The following TLR10 variants were observed in gnomAD, a reference collection of about 807,000 sequenced individuals.
TLR10 encodes the protein toll-like receptor 10.
For synonymous variants in TLR10, 288 were observed against 338.8 expected, an observed-to-expected ratio of 0.85 and a Z score of 1.65; for missense variants, 929 against 932.9, an observed-to-expected ratio of 1.00 and a Z score of 0.05.
At chr4:38,778,810 T>G (rs11466619) in intron 1 of TLR10, among the ~76,000 whole-genome samples, 14,484 of 152,070 alleles carry the variant, frequency 0.095, 1,190 homozygotes, top group African/African-American at 0.2. Flanking sequence ...AGAGGATGGG[T>G]TAGAGAGAAT....
intron 1 of TLR10, among the ~76,000 whole-genome samples, chr4:38,780,301 G>C (rs1725318220): frequency 6.6e-6 from 1 of 152,036 alleles, no homozygotes; most frequent in African/African-American, 2.4e-5. Flanking sequence ...CTACTCGGGA[G>C]GCTGAGGCAG....
chr4:38,775,844 T>C lies in TLR10; in HGVS notation c.-132A>G, dbSNP rs1035736912. Reference sequence around the variant, plus strand: ...AGTCTCCAAGCTGGCTACTGTGCCATGTCTCCGTTGTTGAGGTAAGTCAGG... The same window carrying C: ...AGTCTCCAAGCTGGCTACTGTGCCACGTCTCCGTTGTTGAGGTAAGTCAGG... On this transcript the variant is annotated 5_prime_UTR_variant, in exon 3 of 4. An upstream start codon of the reference 5' UTR is lost. Coordinates refer to ENST00000308973, the MANE Select transcript of TLR10 (RefSeq NM_030956.4). 1.2e-5 allele frequency: 4 copies of C among 336,216 alleles called. No individual in the cohort carries two copies. Among genetic ancestry groups the C allele is most frequent in the Non-Finnish European group, 1.6e-5 (3 of 187,478 alleles). 20.8% of individuals were successfully genotyped at this position (336,216 alleles called of 1,614,324 possible). A position where few individuals can be genotyped will look rare whatever the true frequency, so the allele number is the denominator to read the frequency against.
intron 1 of TLR10, among the ~76,000 whole-genome samples, chr4:38,780,419 A>G (rs1427674445): frequency 2.6e-5 from 4 of 152,048 alleles, no homozygotes; most frequent in African/African-American, 9.7e-5. Flanking sequence ...AAAAAAGAAT[A>G]AGTTTGGTTT....
chr4:38,777,544 A>G (rs1384846357), intron 1 of TLR10, among the ~76,000 whole-genome samples: 2 of 152,206 alleles, frequency 1.3e-5, no homozygotes, highest in Non-Finnish European at 2.9e-5. Context: ...AATTTTTGCA[A>G]TCTGTCCATC....
intron 1 of TLR10, among the ~76,000 whole-genome samples, chr4:38,782,448 G>A (rs990387616): frequency 6.6e-6 from 1 of 152,140 alleles, no homozygotes; most frequent in African/African-American, 2.4e-5. Context: ...GTCCACTTCT[G>A]AAGGAAACGG....
In TLR10 at chr4:38,773,389, T is replaced by C. The variant is rs779842985; in HGVS notation, c.2202A>G (p.Pro734=). 36 of 1,613,842 alleles carry C rather than the reference T, an allele frequency of 2.2e-5. No individual in the cohort carries two copies. The highest frequency in any genetic ancestry group is 3.0e-5 in the Non-Finnish European group (35 of 1,179,978). The part of the protein sequence containing the change: ...HIILILLEPI[P]FYCIPTRYHK... ...GATACCTGGTGGGAATGCAATAGAATGGAATGGGTTCCAGTAAGATAAGAA... is the reference window on the plus strand; with the variant it reads ...GATACCTGGTGGGAATGCAATAGAACGGAATGGGTTCCAGTAAGATAAGAA... Residue 734 remains proline, a synonymous_variant, in exon 4 of 4, where the codon CCA becomes CCG. Transcript: ENST00000308973.
At chr4:38,775,732 A>G in intron 3 of TLR10, 43 bp downstream of exon 3, 2 of 765,894 alleles carry the variant, frequency 2.6e-6, no homozygotes, top group Non-Finnish European at 3.9e-6. Context: ...AAAAATGCCA[A>G]CATCTGACTA....
Position 38,773,698 on chromosome 4 carries a change from A to C in TLR10, c.1893T>G (p.Asn631Lys). Residue 631 changes from asparagine to lysine, a missense_variant, in exon 4 of 4, where the codon AAT (asparagine) becomes AAG (lysine). Asn to Lys is a moderately conservative substitution (Grantham distance 94, BLOSUM62 0). Transcript: ENST00000308973. ...ATGAAATAAATGCGTGGAATCGGAC[A>C]TTTCTCTTGAGTTGTTCTTGGGTTG... The part of the protein sequence containing the change: ...RKTTQEQLKR[N>K]VRFHAFISYS... The C allele has an allele frequency of 6.2e-7, 1 of 1,613,658 alleles. No homozygotes were observed. Among genetic ancestry groups the C allele is most frequent in the South Asian group, 1.1e-5 (1 of 90,978 alleles).
chr4:38,774,258 T>G lies in TLR10; in HGVS notation c.1333A>C (p.Ile445Leu). 6.2e-7 allele frequency: 1 copy of G among 1,614,032 alleles called. No homozygotes were observed. Among genetic ancestry groups the G allele is most frequent in the Non-Finnish European group, 8.5e-7 (1 of 1,180,010 alleles). Residue 445 changes from isoleucine (I) to leucine (L), a missense_variant, in exon 4 of 4, where the codon ATT becomes CTT. By Grantham distance (5) the Ile-to-Leu change is conservative. Coordinates refer to ENST00000308973, the MANE Select transcript of TLR10 (RefSeq NM_030956.4). ...TTATTATTTAGGTCAAGTATTTGAA[T>G]ACTTTTGGGCAAGCACCTGAAGACA... Reference protein sequence around the residue: ...DSVFRCLPKSIQILDLNNNQI... With the variant: ...DSVFRCLPKSLQILDLNNNQI...
intron 1 of TLR10, among the ~76,000 whole-genome samples, chr4:38,781,927 T>G (rs1725438741): frequency 6.6e-6 from 1 of 152,200 alleles, no homozygotes. Flanking sequence ...ATTATTCATA[T>G]TTTACAGATG....
rs1303551313 is a variant in TLR10, at chr4:38,774,939, CTAATA to C, written c.647_651del (p.Ile216ArgfsTer15). The C allele has an allele frequency of 3.7e-6, 6 of 1,612,536 alleles. No homozygotes were observed. The Admixed American group carries it at 1.0e-4, about 27-fold the overall frequency. ...CTTTTGCCATCTATATTTGTCATTT[CTAATA>C]TTTTTGAAGTCTTGATTCCATCACG... is the stretch of plus-strand genomic sequence containing the variant. On this transcript the variant is annotated frameshift_variant, in exon 4 of 4. Coordinates refer to ENST00000308973, the MANE Select transcript of TLR10 (RefSeq NM_030956.4). LOFTEE classifies it low-confidence loss of function (END_TRUNC).
intron 1 of TLR10, among the ~76,000 whole-genome samples, chr4:38,780,575 T>C (rs938438045): frequency 6.6e-6 from 1 of 152,196 alleles, no homozygotes; most frequent in Non-Finnish European, 1.5e-5. Flanking sequence ...AGACAATGTA[T>C]GTAAGTCACT....
rs11466656 is a variant in TLR10 at position 38,774,186 on chromosome 4, G to A, written c.1405C>T (p.Arg469Ter). ...PKETIHLMAL[R>*]ELNIAFNFLT... ...AAATTAAATGCAATATTTAGTTCTC[G>A]TAAGGCCATCAGATGAATAGTCTCT... is the stretch of plus-strand genomic sequence containing the variant. The change falls in exon 4 of 4, where the codon CGA becomes TGA. Residue 469 changes from arginine (R) to a stop codon, truncating the protein, a stop_gained. Coordinates refer to ENST00000308973, the MANE Select transcript of TLR10 (RefSeq NM_030956.4). LOFTEE classifies it low-confidence loss of function (END_TRUNC). The A allele has an allele frequency of 1.7e-5, 27 of 1,612,720 alleles. No homozygotes were observed. The highest frequency in any genetic ancestry group is 1.6e-4 in the East Asian group (7 of 44,888).
At position 38,774,856 on chromosome 4, in the gene TLR10, C is replaced by T. The variant is rs578031272; in HGVS notation, c.735G>A (p.Ser245=). 11 of 1,602,340 alleles carry T rather than the reference C, an allele frequency of 6.9e-6. No individual in the cohort carries two copies. The highest frequency in any genetic ancestry group is 1.7e-4 in the Middle Eastern group (1 of 6,008). The change falls in exon 4 of 4, where the codon TCG becomes TCA. Residue 245 remains serine (S), a synonymous_variant. Transcript: ENST00000308973. ...RNLSLENAKT[S]VLLLNKVDLL... ...AATCAACTTTATTAAGCAATAGAAC[C>T]GATGTCTTAGCATTTTCTAAACTAA...
chr4:38,782,270 T>A (rs1270735991), intron 1 of TLR10, among the ~76,000 whole-genome samples: 1 of 152,192 alleles, frequency 6.6e-6, no homozygotes, highest in Admixed American at 6.5e-5. Context: ...ATAAATATAT[T>A]CTTAGGAAAG....
chr4:38,781,022 TTCTA>T, intron 1 of TLR10, among the ~76,000 whole-genome samples: 1 of 152,318 alleles, frequency 6.6e-6, no homozygotes, highest in African/African-American at 2.4e-5. Context: ...AAGTCAGAGT[TTCTA>T]TCTCTTACCC....
rs368829005 is a variant in TLR10, at chr4:38,778,261, G to A, written c.-568-1835C>T. On this transcript the variant is annotated intron_variant, in intron 1 of 3. Transcript: ENST00000308973. Reference sequence around the variant, plus strand: ...GGGAGTTGAACAATGAGAACACATTGACACACACCGGGGCCTGTCAGGGGG... The same window carrying A: ...GGGAGTTGAACAATGAGAACACATTAACACACACCGGGGCCTGTCAGGGGG... 5.3e-5 allele frequency among the ~76,000 whole-genome samples: 8 copies of A among 151,932 alleles called. No individual in the cohort carries two copies. In the East Asian group the frequency reaches 1.5e-3, roughly 29 times the overall value.
intron 1 of TLR10, among the ~76,000 whole-genome samples, chr4:38,780,497 G>T (rs560004991): frequency 6.6e-6 from 1 of 152,020 alleles, no homozygotes; most frequent in Non-Finnish European, 1.5e-5. Flanking sequence ...TATGTACTCG[G>T]ACCATTTATT....
Position 38,776,193 on chromosome 4 carries a change from A to T in TLR10, c.-335T>A, listed in dbSNP as rs1029315006. The stretch of plus-strand genomic sequence containing the variant: ...CTATATGTCTTCAGGTTGGTGGCAA[A>T]AGCAATCTGGATTACTGCCAAATAA... On this transcript the variant is annotated 5_prime_UTR_variant, in exon 2 of 4. Coordinates refer to ENST00000308973, the MANE Select transcript of TLR10 (RefSeq NM_030956.4). The T allele has an allele frequency of 2.8e-5, 5 of 180,688 alleles. No individual in the cohort carries two copies. Among genetic ancestry groups the T allele is most frequent in the Admixed American group, 5.3e-5 (1 of 18,988 alleles). 11.2% of individuals were successfully genotyped at this position (180,688 alleles called of 1,614,324 possible).
Sources: gnomAD v4.1 joint callset for allele counts (sites outside exome capture counted in the v4.1 genomes callset) on GRCh38, gnomAD v4.1.1 for gene constraint, MANE v1.5 for transcripts, NCBI Gene and HGNC (gene_info 2026-07-23, HGNC 2026-07-21) for gene names.